Variants in GRID2 observed in about 807,000 individuals in gnomAD.
GRID2 encodes glutamate ionotropic receptor delta type subunit 2.
In GRID2, 33 loss-of-function variants were observed where a neutral mutation model predicts 114.8. The ratio of observed to expected loss-of-function variants is 0.29; its 90% CI spans 0.22 to 0.38. The LOEUF (loss-of-function observed/expected upper bound fraction) is 0.38, where lower values mean the gene tolerates loss of function less well. Among genes scored for constraint, GRID2 ranks in the 10% least tolerant of loss-of-function variants. The probability of loss-of-function intolerance (pLI) is 1.00; values close to 1 mark genes in which losing one functional copy is unlikely to be tolerated. For missense variants in GRID2, 1,184 were observed against 1,257.7 expected, an observed-to-expected ratio of 0.94 and a Z score of 0.89; for synonymous variants, 505 against 449.9, an observed-to-expected ratio of 1.12 and a Z score of -1.55.
At chr4:93,690,049 T>A (rs1281590840) in intron 14 of GRID2, among the ~76,000 whole-genome samples, 1 of 152,124 alleles carries the variant, frequency 6.6e-6, no homozygotes, top group Non-Finnish European at 1.5e-5. Flanking sequence ...ATTCCATGTA[T>A]AATTTTATAT....
intron 10 of GRID2, among the ~76,000 whole-genome samples, chr4:93,430,811 A>T (rs146620770): frequency 5.8e-4 from 89 of 152,364 alleles, no homozygotes; most frequent in African/African-American, 2.0e-3. Context: ...AAGGAGGAGA[A>T]ATATAGCCTG....
At chr4:93,047,442 C>G (rs1726257626) in intron 2 of GRID2, among the ~76,000 whole-genome samples, 1 of 151,960 alleles carries the variant, frequency 6.6e-6, no homozygotes, top group African/African-American at 2.4e-5. Flanking sequence ...TTTCTACTGT[C>G]CTCTTGATTT....
chr4:92,942,929 C>A (rs190951492), intron 2 of GRID2, among the ~76,000 whole-genome samples: 1 of 152,114 alleles, frequency 6.6e-6, no homozygotes, highest in Non-Finnish European at 1.5e-5. Flanking sequence ...GAGTTTCTGC[C>A]GAGAGATCTG....
intron 2 of GRID2, among the ~76,000 whole-genome samples, chr4:92,687,005 T>A (rs1443592440): frequency 6.6e-6 from 1 of 152,194 alleles, no homozygotes; most frequent in Non-Finnish European, 1.5e-5. Flanking sequence ...AGTTAGATTT[T>A]GTTCCACTTT....
At chr4:92,545,123 T>G (rs947420568) in intron 1 of GRID2, among the ~76,000 whole-genome samples, 2 of 152,012 alleles carry the variant, frequency 1.3e-5, no homozygotes, top group African/African-American at 4.8e-5. Flanking sequence ...AAGCTGACTT[T>G]TAGCTTCAAA....
chr4:93,080,573 ATCTC>A (rs1436314591), intron 2 of GRID2, among the ~76,000 whole-genome samples: 2 of 152,178 alleles, frequency 1.3e-5, no homozygotes, highest in South Asian at 4.1e-4. Flanking sequence ...AGACTTAGTC[ATCTC>A]TCTCTCTATT....
At chr4:93,650,502 A>G (rs1722490736) in intron 14 of GRID2, among the ~76,000 whole-genome samples, 1 of 152,132 alleles carries the variant, frequency 6.6e-6, no homozygotes, top group African/African-American at 2.4e-5. Context: ...CTGTGCAAAG[A>G]TTCAGTCTAG....
intron 14 of GRID2, among the ~76,000 whole-genome samples, chr4:93,628,123 A>G (rs7671794): frequency 0.75 from 113,679 of 152,038 alleles, 43,399 homozygotes; most frequent in African/African-American, 0.91. Flanking sequence ...ATAGTGAGCC[A>G]AAAGTGAAAT....
At chr4:92,390,047 CT>C (rs374371720) in intron 1 of GRID2, among the ~76,000 whole-genome samples, 1 of 152,022 alleles carries the variant, frequency 6.6e-6, no homozygotes, top group African/African-American at 2.4e-5. Flanking sequence ...TTTAAGTCCT[CT>C]TTTAAAAAAA....
intron 1 of GRID2, among the ~76,000 whole-genome samples, chr4:92,322,293 A>T (rs548623334): frequency 6.6e-6 from 1 of 151,966 alleles, no homozygotes; most frequent in Non-Finnish European, 1.5e-5. Context: ...GCTGATTCTG[A>T]TGTTTAGCTC....
intron 4 of GRID2, among the ~76,000 whole-genome samples, chr4:93,137,467 G>A (rs1479146172): frequency 6.6e-6 from 1 of 152,088 alleles, no homozygotes; most frequent in African/African-American, 2.4e-5. Flanking sequence ...AGGCCTAGAA[G>A]GAACCTATAG....
Position 93,224,676 on chromosome 4 carries a change from G to C in GRID2, c.1026G>C (p.Leu342=). ...TTGCTAATGCTTTTCATAAGAAGCTGGAGGACCGAAAGTGGCACAGCATGG... is the reference window on the plus strand; with the variant it reads ...TTGCTAATGCTTTTCATAAGAAGCTCGAGGACCGAAAGTGGCACAGCATGG... The part of the protein sequence containing the change: ...LLLANAFHKK[L]EDRKWHSMAS... The change falls in exon 7 of 16, where the codon CTG becomes CTC. Residue 342 remains leucine, a synonymous_variant. Transcript: ENST00000282020. 2 of 1,611,668 alleles carry C rather than the reference G, an allele frequency of 1.2e-6. No homozygotes were observed. Among genetic ancestry groups the C allele is most frequent in the South Asian group, 1.1e-5 (1 of 91,008 alleles).
chr4:93,022,638 G>A (rs1207557056), intron 2 of GRID2, among the ~76,000 whole-genome samples: 1 of 151,740 alleles, frequency 6.6e-6, no homozygotes, highest in East Asian at 1.9e-4. Flanking sequence ...TCACAAAATT[G>A]CATCTTAATT....
chr4:92,723,050 G>T (rs1391436152), intron 2 of GRID2, among the ~76,000 whole-genome samples: 5 of 151,692 alleles, frequency 3.3e-5, no homozygotes, highest in Non-Finnish European at 7.4e-5. Flanking sequence ...CTCTGCATGT[G>T]TACTTTTTTT....
intron 13 of GRID2, among the ~76,000 whole-genome samples, chr4:93,518,279 G>T (rs1414363284): frequency 6.6e-6 from 1 of 151,706 alleles, no homozygotes; most frequent in Non-Finnish European, 1.5e-5. Context: ...CTACCATCTT[G>T]TTTCGGCTTG....
intron 15 of GRID2, among the ~76,000 whole-genome samples, chr4:93,769,907 G>A (rs1182271789): frequency 6.6e-6 from 1 of 152,086 alleles, no homozygotes; most frequent in African/African-American, 2.4e-5. Context: ...CACCACTAGT[G>A]ACTGCCTCCT....
rs760605020 is a variant in GRID2, at chr4:92,688,037, C to CTTTTTTTTTTTTTTTTTTT, written c.244+97762_244+97780dup. On this transcript the variant is annotated intron_variant, in intron 2 of 15. Coordinates refer to ENST00000282020, the MANE Select transcript of GRID2 (RefSeq NM_001510.4). ...GCCACATTGGTTGACCCTTCTTCTT[C>CTTTTTTTTTTTTTTTTTTT]TTTTTTTTTTTTTTTTTTTTTTTTT... Among the ~76,000 whole-genome samples, 13 of 44,670 alleles carry CTTTTTTTTTTTTTTTTTTT rather than the reference C, an allele frequency of 2.9e-4. 1 individual carries two copies. The highest frequency in any genetic ancestry group is 5.3e-4 in the East Asian group (1 of 1,888). The allele number at this position is 44,670 out of a possible 152,430, so 29.3% of individuals were successfully genotyped here. A position where few individuals can be genotyped will look rare whatever the true frequency, so the allele number is the denominator to read the frequency against.
chr4:92,684,655 G>A (rs1238050307), intron 2 of GRID2, among the ~76,000 whole-genome samples: 2 of 151,990 alleles, frequency 1.3e-5, no homozygotes, highest in African/African-American at 4.8e-5. Context: ...TTATGAGCCA[G>A]GATTTAACTA....
At chr4:93,161,034 G>T (rs892084086) in intron 4 of GRID2, among the ~76,000 whole-genome samples, 3 of 151,838 alleles carry the variant, frequency 2.0e-5, no homozygotes, top group Non-Finnish European at 2.9e-5. Context: ...CTCCATGTCA[G>T]GGCAGGTGAA....
Sources: gnomAD v4.1 joint callset for allele counts (sites outside exome capture counted in the v4.1 genomes callset) on GRCh38, gnomAD v4.1.1 for gene constraint, MANE v1.5 for transcripts, NCBI Gene and HGNC (gene_info 2026-07-23, HGNC 2026-07-21) for gene names.